STARD13: variants seen among roughly 807,000 people sequenced by gnomAD.
STARD13 encodes the protein StAR related lipid transfer domain containing 13, also known as stAR-related lipid transfer protein 13.
Under a neutral mutation model 106.4 loss-of-function variants are expected in STARD13, and 62 were observed. The observed-to-expected ratio is 0.58, with a 90% CI of 0.48 to 0.72. STARD13 has a LOEUF of 0.72. STARD13 is among the 30% of genes least tolerant of loss of function. The pLI is 0.00. For synonymous variants in STARD13, 565 were observed against 553.0 expected (o/e 1.02, Z -0.31); for missense variants, 1,387 against 1,424.0 (o/e 0.97, Z 0.42).
the STARD13 span, among the ~76,000 whole-genome samples, chr13:33,549,012 A>G: frequency 6.6e-6 from 1 of 152,194 alleles, no homozygotes; most frequent in South Asian, 2.1e-4. Flanking sequence ...ATGACTGATA[A>G]TTATTACCAT....
chr13:33,609,814 C>T, the STARD13 span, among the ~76,000 whole-genome samples: 1 of 151,988 alleles, frequency 6.6e-6, no homozygotes, highest in African/African-American at 2.4e-5. Context: ...GTGATCTGCC[C>T]GCCTCGGCCT....
At chr13:33,305,496 C>T (rs376802735) in intron 1 of STARD13, among the ~76,000 whole-genome samples, 5 of 152,166 alleles carry the variant, frequency 3.3e-5, no homozygotes, top group African/African-American at 1.2e-4. Flanking sequence ...CTACTATGTG[C>T]TATGAACTAT....
rs529741900 is a variant in STARD13 at position 33,103,659 on chromosome 13, T to C, written c.*1934A>G. On this transcript the variant is annotated 3_prime_UTR_variant, in exon 14 of 14. Coordinates refer to ENST00000336934, the MANE Select transcript of STARD13 (RefSeq NM_178006.4). ...AAGATCCCCAGGCAATTCATGTGCA[T>C]GTGAAATCTGGACAAGCACCTCTCT... 9.8e-5 allele frequency: 15 copies of C among 152,622 alleles called. No individual in the cohort carries two copies. Among genetic ancestry groups the C allele is most frequent in the African/African-American group, 3.4e-4 (14 of 41,452 alleles). The allele number at this position is 152,622 out of a possible 1,614,324, so 9.5% of individuals were successfully genotyped here. A position where few individuals can be genotyped will look rare whatever the true frequency, so the allele number is the denominator to read the frequency against.
the STARD13 span, among the ~76,000 whole-genome samples, chr13:33,553,737 G>T: frequency 6.6e-6 from 1 of 151,544 alleles, no homozygotes; most frequent in African/African-American, 2.4e-5. Context: ...CCACCACCAC[G>T]CCTGTCTAAT....
At chr13:33,463,876 G>A in the STARD13 span, among the ~76,000 whole-genome samples, 88 of 152,036 alleles carry the variant, frequency 5.8e-4, 1 homozygote, top group Non-Finnish European at 7.9e-4. Flanking sequence ...GCCAGGCATG[G>A]TGGCGGGTAC....
the STARD13 span, among the ~76,000 whole-genome samples, chr13:33,372,856 C>A: frequency 3.9e-5 from 6 of 151,910 alleles, no homozygotes; most frequent in Non-Finnish European, 8.8e-5. Flanking sequence ...AACTTACTAT[C>A]CTTTTGTTTT....
chr13:33,443,526 A>G, the STARD13 span, among the ~76,000 whole-genome samples: 1 of 151,854 alleles, frequency 6.6e-6, no homozygotes, highest in African/African-American at 2.4e-5. Context: ...GCTGCTTCCT[A>G]CTTCAAACCC....
rs531304542 is a variant in STARD13, at chr13:33,104,488, C to T, written c.*1105G>A. 1 of 152,630 alleles carries T rather than the reference C, an allele frequency of 6.6e-6. No homozygotes were observed. Among genetic ancestry groups the T allele is most frequent in the East Asian group, 1.9e-4 (1 of 5,184 alleles). The allele number at this position is 152,630 out of a possible 1,614,324, so 9.5% of individuals were successfully genotyped here. A position where few individuals can be genotyped will look rare whatever the true frequency, so the allele number is the denominator to read the frequency against. ...CATTTTAAGAGTATCCTACACATAA[C>T]AAAATATGAATTCCCTGAAGCTGTA... On this transcript the variant is annotated 3_prime_UTR_variant, in exon 14 of 14. Transcript: ENST00000336934.
At chr13:33,180,670 G>C (rs1361728785) in intron 1 of STARD13, 1 of 152,206 alleles carries the variant, frequency 6.6e-6, no homozygotes, top group Non-Finnish European at 1.5e-5. Flanking sequence ...CTCACTATGA[G>C]AAACATGCTA....
the STARD13 span, among the ~76,000 whole-genome samples, chr13:33,647,965 C>T: frequency 5.9e-5 from 9 of 152,160 alleles, 1 homozygote; most frequent in Middle Eastern, 0.01. Context: ...AGTCTTATCT[C>T]ATAAAGGACA....
At chr13:33,275,488 C>A (rs561106498) in intron 1 of STARD13, among the ~76,000 whole-genome samples, 1 of 152,204 alleles carries the variant, frequency 6.6e-6, no homozygotes, top group Non-Finnish European at 1.5e-5. Context: ...CTTTTAATGC[C>A]ATTTTACCCA....
chr13:33,535,447 TAA>T, the STARD13 span, among the ~76,000 whole-genome samples: 1 of 152,224 alleles, frequency 6.6e-6, no homozygotes, highest in Admixed American at 6.5e-5. Flanking sequence ...TTTTGTATTT[TAA>T]GTTTTACCAC....
At chr13:33,529,526 T>C in the STARD13 span, among the ~76,000 whole-genome samples, 264 of 152,308 alleles carry the variant, frequency 1.7e-3, 1 homozygote, top group African/African-American at 6.1e-3. Context: ...TTCATTCATA[T>C]GCCAAGTGTT....
the STARD13 span, among the ~76,000 whole-genome samples, chr13:33,588,206 C>G: frequency 6.6e-6 from 1 of 152,306 alleles, no homozygotes; most frequent in South Asian, 2.1e-4. Context: ...CTTATTCCTT[C>G]TTGTATCTAC....
intron 1 of STARD13, among the ~76,000 whole-genome samples, chr13:33,283,155 G>A (rs1186881135): frequency 6.6e-6 from 1 of 152,128 alleles, no homozygotes; most frequent in African/African-American, 2.4e-5. Flanking sequence ...AACCTGACAG[G>A]AAATTTCATA....
chr13:33,287,241 C>A (rs1456009872), upstream of STARD13, among the ~76,000 whole-genome samples: 1 of 152,172 alleles, frequency 6.6e-6, no homozygotes, highest in African/African-American at 2.4e-5. Flanking sequence ...GGCCCATAAG[C>A]CTTAACAACT....
chr13:33,506,747 G>A, the STARD13 span, among the ~76,000 whole-genome samples: 69 of 152,278 alleles, frequency 4.5e-4, no homozygotes, highest in South Asian at 0.013. Flanking sequence ...TTCTACATAT[G>A]CAGAAATTAC....
chr13:33,617,279 A>G, the STARD13 span, among the ~76,000 whole-genome samples: 3 of 152,190 alleles, frequency 2.0e-5, no homozygotes, highest in Non-Finnish European at 2.9e-5. Flanking sequence ...TGTACAGTGT[A>G]TATTAGGCAC....
rs143589290 is a variant in STARD13 at position 33,128,762 on chromosome 13, C to A, written c.1748+167G>T. 4.2e-3 allele frequency among the ~76,000 whole-genome samples: 642 copies of A among 152,298 alleles called. 7 individuals are homozygous for A. The highest frequency in any genetic ancestry group is 0.015 in the African/African-American group (607 of 41,556). On this transcript the variant is annotated intron_variant, in intron 5 of 13. Coordinates refer to ENST00000336934, the MANE Select transcript of STARD13 (RefSeq NM_178006.4). ...TCACATGGATTCAATCACCATGATA[C>A]CTGTACAGAAGTCATACTTCTGTTC...
Sources: gnomAD v4.1 joint callset for allele counts (sites outside exome capture counted in the v4.1 genomes callset) on GRCh38, gnomAD v4.1.1 for gene constraint, MANE v1.5 for transcripts, NCBI Gene and HGNC (gene_info 2026-07-23, HGNC 2026-07-21) for gene names.